Variants in DYM observed in about 807,000 individuals in gnomAD.
The protein encoded by DYM is dyggve-Melchior-Clausen syndrome protein.
In DYM, 78 loss-of-function variants were observed where a neutral mutation model predicts 93.1. The ratio of observed to expected loss-of-function variants is 0.84; its 90% confidence interval spans 0.70 to 1.01. The LOEUF (loss-of-function observed/expected upper bound fraction) is 1.01. DYM is among the 50% of genes least tolerant of loss of function. The pLI, the probability that DYM is intolerant of heterozygous loss-of-function variation, is 0.00. For missense variants in DYM, 789 were observed against 845.0 expected (o/e 0.93, Z 0.82); for synonymous variants, 321 against 319.7 (o/e 1.00, Z -0.04).
intron 15 of DYM, among the ~76,000 whole-genome samples, chr18:49,154,717 A>G (rs1312791837): frequency 1.1e-4 from 16 of 152,186 alleles, no homozygotes; most frequent in East Asian, 3.9e-4. Flanking sequence ...AAACATCTCT[A>G]TAAGTCTAAA....
intron 15 of DYM, among the ~76,000 whole-genome samples, chr18:49,132,150 T>C (rs552593322): frequency 8.5e-5 from 13 of 152,298 alleles, no homozygotes; most frequent in Non-Finnish European, 1.5e-5. Context: ...GAAAATGTTA[T>C]TATTTTTAGA....
chr18:49,347,886 T>C (rs2064738350), intron 6 of DYM, among the ~76,000 whole-genome samples: 1 of 152,210 alleles, frequency 6.6e-6, no homozygotes, highest in Admixed American at 6.5e-5. Flanking sequence ...AAGATTTTCA[T>C]TACACAATCA....
At chr18:49,229,281 A>G (rs73443825) in intron 13 of DYM, among the ~76,000 whole-genome samples, 5,544 of 152,174 alleles carry the variant, frequency 0.036, 316 homozygotes, top group African/African-American at 0.12. Flanking sequence ...ATCAGGGGAA[A>G]AATGATAAAT....
intron 15 of DYM, among the ~76,000 whole-genome samples, chr18:49,144,647 A>AAAGGACAGAAGTAG (rs1388515281): frequency 1.6e-4 from 24 of 152,334 alleles, no homozygotes; most frequent in African/African-American, 5.8e-4. Context: ...CAATGAGTTC[A>AAAGGACAGAAGTAG]AAGGACAGAA....
At chr18:49,226,077 G>C (rs1005051266) in intron 13 of DYM, among the ~76,000 whole-genome samples, 8 of 152,012 alleles carry the variant, frequency 5.3e-5, no homozygotes, top group African/African-American at 1.9e-4. Context: ...AGAAAACAAA[G>C]TAAATGCACA....
intron 13 of DYM, among the ~76,000 whole-genome samples, chr18:49,224,630 C>G (rs2093467799): frequency 6.6e-6 from 1 of 152,018 alleles, no homozygotes. Context: ...CTTGCTTCCA[C>G]TCTCCACCAT....
At chr18:49,095,846 C>G (rs1568411720) in intron 17 of DYM, among the ~76,000 whole-genome samples, 1 of 152,130 alleles carries the variant, frequency 6.6e-6, no homozygotes, top group Non-Finnish European at 1.5e-5. Flanking sequence ...GTAAGTATTA[C>G]AGTGAACTAC....
At chr18:49,105,141 GGTGT>G (rs2080650842) in intron 16 of DYM, among the ~76,000 whole-genome samples, 1 of 151,906 alleles carries the variant, frequency 6.6e-6, no homozygotes. Context: ...GTCTTGGGAG[GGTGT>G]GTGTCCAGGA....
At chr18:49,077,073 G>A (rs1286765480) in intron 17 of DYM, among the ~76,000 whole-genome samples, 1 of 152,042 alleles carries the variant, frequency 6.6e-6, no homozygotes, top group Non-Finnish European at 1.5e-5. Flanking sequence ...TTGAACTCTG[G>A]CATTTGTTAG....
chr18:49,216,323 A>G (rs1369369295), intron 13 of DYM, among the ~76,000 whole-genome samples: 1 of 152,320 alleles, frequency 6.6e-6, no homozygotes, highest in South Asian at 2.1e-4. Flanking sequence ...TCTGGGGGCA[A>G]GGCACAGACA....
At chr18:49,378,529 C>T (rs757975580) in intron 5 of DYM, 38 bp downstream of exon 5, 15 of 1,561,702 alleles carry the variant, frequency 9.6e-6, no homozygotes, top group Non-Finnish European at 7.9e-6. Flanking sequence ...AAATGTTACA[C>T]ATGATATATC....
At chr18:49,364,444 CA>C (rs1298142988) in intron 5 of DYM, among the ~76,000 whole-genome samples, 168 of 138,246 alleles carry the variant, frequency 1.2e-3, no homozygotes, top group Middle Eastern at 3.6e-3. Context: ...GACTGTGTCT[CA>C]AAAAAAAAAA....
chr18:49,405,889 C>T (rs2071438670), intron 2 of DYM, among the ~76,000 whole-genome samples: 1 of 152,118 alleles, frequency 6.6e-6, no homozygotes, highest in Non-Finnish European at 1.5e-5. Context: ...TTTGTATTGT[C>T]TATGATTTCT....
chr18:49,371,769 G>GC (rs2067065900), intron 5 of DYM, among the ~76,000 whole-genome samples: 1 of 152,156 alleles, frequency 6.6e-6, no homozygotes, highest in African/African-American at 2.4e-5. Flanking sequence ...CAAACGCATG[G>GC]ACTAATGGAA....
intron 2 of DYM, among the ~76,000 whole-genome samples, chr18:49,399,661 A>C (rs12456650): frequency 0.092 from 13,956 of 152,100 alleles, 863 homozygotes; most frequent in East Asian, 0.31. Context: ...CTCAATCATA[A>C]AACTGAGCAC....
chr18:49,078,097 C>A (rs1036053235), intron 17 of DYM, among the ~76,000 whole-genome samples: 1 of 151,730 alleles, frequency 6.6e-6, no homozygotes, highest in Non-Finnish European at 1.5e-5. Flanking sequence ...TTGAGCTATT[C>A]ATTTTTTTAT....
At chr18:49,457,748 G>T (rs1375767357) in intron 1 of DYM, among the ~76,000 whole-genome samples, 2 of 152,222 alleles carry the variant, frequency 1.3e-5, no homozygotes, top group Non-Finnish European at 2.9e-5. Context: ...TTGCAGGCGT[G>T]ATTAAATTAA....
intron 5 of DYM, among the ~76,000 whole-genome samples, chr18:49,372,836 G>A (rs1008222882): frequency 7.1e-6 from 1 of 141,764 alleles, no homozygotes; most frequent in Non-Finnish European, 1.6e-5. Flanking sequence ...TAAAAAAAAA[G>A]AAAGAAAAGG....
At chr18:49,173,322 T>C (rs2088984937) in intron 14 of DYM, among the ~76,000 whole-genome samples, 1 of 152,138 alleles carries the variant, frequency 6.6e-6, no homozygotes, top group African/African-American at 2.4e-5. Context: ...TTGAATCAAC[T>C]TGTCATTTTC....
Sources: gnomAD v4.1 joint callset for allele counts (sites outside exome capture counted in the v4.1 genomes callset) on GRCh38, gnomAD v4.1.1 for gene constraint, MANE v1.5 for transcripts, NCBI Gene and HGNC (gene_info 2026-07-23, HGNC 2026-07-21) for gene names.